FAAH2: variants seen among roughly 807,000 people sequenced by gnomAD.
FAAH2 encodes fatty acid amide hydrolase 2.
FAAH2 carries 60 observed loss-of-function variants against 36.9 expected under a neutral mutation model. The ratio of observed to expected loss-of-function variants is 1.63; its 90% confidence interval spans 1.32 to 2.02. FAAH2 has a LOEUF of 2.02. Among genes scored for constraint, FAAH2 ranks in the 30% most tolerant of loss-of-function variants. The pLI, the probability that FAAH2 is intolerant of heterozygous loss-of-function variation, is 0.00. For synonymous variants in FAAH2, 214 were observed against 143.8 expected (o/e 1.49, Z -3.49); for missense variants, 689 against 397.5 (o/e 1.73, Z -6.23).
At chrX:57,376,713 C>T (rs1030058551) in intron 5 of FAAH2, among the ~76,000 whole-genome samples, 1 of 111,843 alleles carries the variant, frequency 8.9e-6, no homozygotes, top group South Asian at 3.7e-4. Context: ...GGTTCTAGAT[C>T]GTTGAGGAAT....
At chrX:57,343,819 T>G (rs1211849053) in intron 5 of FAAH2, among the ~76,000 whole-genome samples, 5 of 111,745 alleles carry the variant, frequency 4.5e-5, no homozygotes, top group Non-Finnish European at 9.4e-5. Flanking sequence ...TCCAGTTATA[T>G]TTTTCTGCAT....
At chrX:57,406,743 T>G (rs932879900) in intron 7 of FAAH2, among the ~76,000 whole-genome samples, 5 of 112,858 alleles carry the variant, frequency 4.4e-5, no homozygotes, top group Admixed American at 9.3e-5. Flanking sequence ...GTGGCTGGTC[T>G]GCACTCTGTG....
At chrX:57,424,903 AC>A (rs1410019335) in intron 7 of FAAH2, among the ~76,000 whole-genome samples, 1 of 111,915 alleles carries the variant, frequency 8.9e-6, no homozygotes, top group Non-Finnish European at 1.9e-5. Context: ...TTTTTGAAAT[AC>A]CACGTAAAGA....
At chrX:57,348,361 A>G (rs1189043806) in intron 5 of FAAH2, among the ~76,000 whole-genome samples, 1 of 111,128 alleles carries the variant, frequency 9.0e-6, no homozygotes, top group Non-Finnish European at 1.9e-5. Context: ...AACCAGAAGG[A>G]CATCTTACAT....
intron 8 of FAAH2, among the ~76,000 whole-genome samples, chrX:57,435,437 C>T (rs1358330073): frequency 1.8e-5 from 2 of 110,751 alleles, no homozygotes; most frequent in Non-Finnish European, 3.8e-5. Context: ...CATCTAAATG[C>T]TGCTTCCAAG....
intron 9 of FAAH2, 41 bp downstream of exon 9, chrX:57,447,080 G>T: frequency 9.2e-6 from 9 of 975,607 alleles, no homozygotes; most frequent in Non-Finnish European, 1.3e-5. Context: ...TTGATGTCCT[G>T]TAATATTTCT....
intron 8 of FAAH2, among the ~76,000 whole-genome samples, chrX:57,437,132 A>C (rs1193884443): frequency 9.0e-6 from 1 of 111,721 alleles, no homozygotes; most frequent in East Asian, 2.8e-4. Flanking sequence ...AAAACCATAT[A>C]ATTATCTCAA....
intron 7 of FAAH2, among the ~76,000 whole-genome samples, chrX:57,390,252 C>T (rs931225111): frequency 8.9e-6 from 1 of 111,835 alleles, no homozygotes; most frequent in East Asian, 2.8e-4. Context: ...ATGCAAAAAA[C>T]AATTGCCAAG....
chrX:57,252,707 G>T, the FAAH2 span, among the ~76,000 whole-genome samples: 1 of 112,260 alleles, frequency 8.9e-6, no homozygotes, highest in Non-Finnish European at 1.9e-5. Context: ...TAACAGAAAG[G>T]AATAGCATCA....
the FAAH2 span, among the ~76,000 whole-genome samples, chrX:57,185,252 A>G: frequency 9.1e-6 from 1 of 110,301 alleles, no homozygotes; most frequent in East Asian, 2.8e-4. Context: ...TACCCTTCCC[A>G]GCCTCTGGTC....
chrX:57,408,342 T>C (rs1411977234), intron 7 of FAAH2, among the ~76,000 whole-genome samples: 1 of 110,994 alleles, frequency 9.0e-6, no homozygotes, highest in African/African-American at 3.3e-5. Context: ...ATCAATGTTA[T>C]ATAGTTATTA....
intron 1 of FAAH2, chrX:57,290,319 A>C (rs2051939255): frequency 1.3e-6 from 1 of 741,094 alleles, no homozygotes; most frequent in Non-Finnish European, 1.6e-6. Flanking sequence ...CATCAGCTTG[A>C]CAATCCAGGC....
At chrX:57,330,193 C>A (rs1000040249) in intron 3 of FAAH2, among the ~76,000 whole-genome samples, 17 of 112,017 alleles carry the variant, frequency 1.5e-4, no homozygotes, top group African/African-American at 5.2e-4. Context: ...TATTTCTCTT[C>A]TTTCAAAAGC....
chrX:57,374,955 A>G (rs2054634861), intron 5 of FAAH2, among the ~76,000 whole-genome samples: 1 of 111,724 alleles, frequency 9.0e-6, no homozygotes, highest in Admixed American at 9.5e-5. Flanking sequence ...TTCTGCGTCT[A>G]TCAAGAAGAT....
intron 8 of FAAH2, among the ~76,000 whole-genome samples, chrX:57,438,283 CAG>C (rs2056460848): frequency 1.0e-5 from 1 of 98,680 alleles, no homozygotes; most frequent in Non-Finnish European, 2.0e-5. Flanking sequence ...ATATAGATAT[CAG>C]TAAAACTACA....
At chrX:57,392,478 G>A (rs915527251) in intron 7 of FAAH2, among the ~76,000 whole-genome samples, 3 of 111,681 alleles carry the variant, frequency 2.7e-5, no homozygotes, top group Admixed American at 9.5e-5. Flanking sequence ...TACACGATGA[G>A]AATTAAGGCT....
chrX:57,392,198 A>G (rs187347797), intron 7 of FAAH2, among the ~76,000 whole-genome samples: 4 of 111,375 alleles, frequency 3.6e-5, no homozygotes, highest in African/African-American at 1.3e-4. Context: ...TTTATCAAAT[A>G]TAGGAATTTT....
chrX:57,401,659 C>T (rs1483466135), intron 7 of FAAH2, among the ~76,000 whole-genome samples: 1 of 111,055 alleles, frequency 9.0e-6, no homozygotes, highest in Non-Finnish European at 1.9e-5. Context: ...TGTTGGGCTT[C>T]GGGTCTAAGG....
intron 3 of FAAH2, among the ~76,000 whole-genome samples, chrX:57,316,266 T>C (rs1470718420): frequency 2.7e-5 from 3 of 111,808 alleles, no homozygotes; most frequent in African/African-American, 6.5e-5. Context: ...TGTTCTTGGA[T>C]TGGAAAAATC....
Sources: allele counts gnomAD v4.1 joint callset (sites outside exome capture counted in the v4.1 genomes callset), GRCh38; gene constraint gnomAD v4.1.1; transcripts MANE v1.5; gene names NCBI Gene and HGNC (gene_info 2026-07-23, HGNC 2026-07-21).